The following LCOR variants were observed in gnomAD, a reference collection of about 807,000 sequenced individuals.
The protein encoded by LCOR is ligand-dependent corepressor.
A neutral mutation model predicts 64.4 loss-of-function variants in LCOR; 14 were observed. The ratio of observed to expected loss-of-function variants is 0.22; its 90% CI spans 0.14 to 0.34. LCOR has a LOEUF of 0.34. Ranked by LOEUF, LCOR falls within the 10% of genes least tolerant of loss-of-function variation. The pLI is 1.00. For missense variants in LCOR, 1,686 were observed against 1,765.3 expected (o/e 0.96, Z 0.80); for synonymous variants, 643 against 642.5 (o/e 1.00, Z -0.01).
At chr10:96,970,267 G>A (rs1847987326) in intron 7 of LCOR, among the ~76,000 whole-genome samples, 1 of 151,934 alleles carries the variant, frequency 6.6e-6, no homozygotes, top group African/African-American at 2.4e-5. Context: ...GTGTGGTGGC[G>A]CTTGCCTGTA....
At chr10:96,980,377 C>G (rs1848073609) in intron 7 of LCOR, among the ~76,000 whole-genome samples, 1 of 152,174 alleles carries the variant, frequency 6.6e-6, no homozygotes, top group Non-Finnish European at 1.5e-5. Flanking sequence ...AGTATTTCTT[C>G]TCTTTAAGAT....
At chr10:96,957,223 C>T in intron 7 of LCOR, 1 of 984,260 alleles carries the variant, frequency 1.0e-6, no homozygotes, top group South Asian at 4.7e-5. Context: ...CTGTTTTTGG[C>T]ATCCTACATA....
At chr10:96,870,943 C>G (rs1398795515) in intron 2 of LCOR, among the ~76,000 whole-genome samples, 1 of 152,224 alleles carries the variant, frequency 6.6e-6, no homozygotes, top group Non-Finnish European at 1.5e-5. Context: ...ATCTTTGCAA[C>G]TGGTACTATA....
At position 96,861,522 on chromosome 10, in the gene LCOR, G is replaced by T. The variant is rs185366796; in HGVS notation, c.-330+28043G>T. The stretch of plus-strand genomic sequence containing the variant: ...GCATTCAATTCTGCAGTGGACACTA[G>T]GTGAGTCTCTTCTCTTCTCTTTTCT... On this transcript the variant is annotated intron_variant, in intron 2 of 7. Transcript: ENST00000421806. 4.1e-3 allele frequency among the ~76,000 whole-genome samples: 624 copies of T among 152,104 alleles called. 15 individuals carry two copies. Among genetic ancestry groups the T allele is most frequent in the Admixed American group, 0.034 (522 of 15,250 alleles).
At chr10:96,934,700 C>T (rs1470465805) in intron 4 of LCOR, among the ~76,000 whole-genome samples, 1 of 152,076 alleles carries the variant, frequency 6.6e-6, no homozygotes, top group Non-Finnish European at 1.5e-5. Flanking sequence ...CTCCTGGGTT[C>T]AGGAGATTCT....
At chr10:96,891,223 T>C (rs1050924722) in intron 2 of LCOR, among the ~76,000 whole-genome samples, 8 of 152,046 alleles carry the variant, frequency 5.3e-5, no homozygotes, top group Non-Finnish European at 8.8e-5. Flanking sequence ...TTCAGTTTTT[T>C]AGTTGAGTCA....
chr10:96,926,554 T>TA (rs1472446540), intron 4 of LCOR, among the ~76,000 whole-genome samples: 32 of 152,148 alleles, frequency 2.1e-4, no homozygotes, highest in African/African-American at 7.7e-4. Context: ...TTAATGATAT[T>TA]TAGGCACTGA....
chr10:96,949,026 A>G lies in LCOR; in HGVS notation c.-32A>G. 1 of 1,612,088 alleles carries G rather than the reference A, an allele frequency of 6.2e-7. No homozygotes were observed. Among genetic ancestry groups the G allele is most frequent in the Middle Eastern group, 1.7e-4 (1 of 6,054 alleles). On this transcript the variant is annotated 5_prime_UTR_variant, in exon 6 of 8. Coordinates refer to ENST00000421806, the MANE Select transcript of LCOR (RefSeq NM_001346516.2). ...TTTACAGACAGTCCCTGGGTCTCCGACCCCAATATTCCCCTAGTGGCCCGT... is the reference window on the plus strand; with the variant it reads ...TTTACAGACAGTCCCTGGGTCTCCGGCCCCAATATTCCCCTAGTGGCCCGT...
rs536425233 is a variant in LCOR, at chr10:96,834,032, A to G, written c.-330+553A>G. Among the ~76,000 whole-genome samples the G allele has an allele frequency of 5.3e-5, 8 of 152,342 alleles. No homozygotes were observed. In the South Asian group the frequency reaches 1.7e-3, roughly 32 times the overall value. ...GGTCTGCCCTTTACAATGTCCCACAAGGGATGTTTTCGATAATAGATTAAA... is the reference window on the plus strand; with the variant it reads ...GGTCTGCCCTTTACAATGTCCCACAGGGGATGTTTTCGATAATAGATTAAA... On this transcript the variant is annotated intron_variant, in intron 2 of 7. Coordinates refer to ENST00000421806, the MANE Select transcript of LCOR (RefSeq NM_001346516.2).
intron 2 of LCOR, among the ~76,000 whole-genome samples, chr10:96,866,379 A>G (rs536136494): frequency 3.3e-5 from 5 of 152,268 alleles, no homozygotes; most frequent in African/African-American, 1.2e-4. Context: ...TTGTACGGCT[A>G]TACCTCAGTT....
chr10:96,865,279 A>C (rs892494445), intron 2 of LCOR, among the ~76,000 whole-genome samples: 5 of 152,102 alleles, frequency 3.3e-5, no homozygotes, highest in Admixed American at 1.3e-4. Flanking sequence ...TTTTAAAAAA[A>C]ATTAGGGAAA....
intron 2 of LCOR, among the ~76,000 whole-genome samples, chr10:96,894,878 A>G (rs990756824): frequency 2.6e-5 from 4 of 152,200 alleles, no homozygotes; most frequent in African/African-American, 9.7e-5. Context: ...GCCATATATA[A>G]TAGTTCAGAT....
At chr10:96,970,044 G>C (rs1847985416) in intron 7 of LCOR, among the ~76,000 whole-genome samples, 1 of 139,812 alleles carries the variant, frequency 7.2e-6, no homozygotes, top group Non-Finnish European at 1.5e-5. Flanking sequence ...GCCCGCCTCA[G>C]CCTCCCAAAA....
At chr10:96,855,919 G>T (rs1335631403) in intron 2 of LCOR, among the ~76,000 whole-genome samples, 1 of 142,006 alleles carries the variant, frequency 7.0e-6, no homozygotes, top group African/African-American at 2.6e-5. Context: ...TTTTGTATTT[G>T]TTTTAGTAGT....
At chr10:96,897,450 T>C (rs1330241035) in intron 2 of LCOR, among the ~76,000 whole-genome samples, 1 of 152,250 alleles carries the variant, frequency 6.6e-6, no homozygotes, top group Non-Finnish European at 1.5e-5. Context: ...TTTCTAAGCA[T>C]GATTAACCTA....
At position 96,994,316 on chromosome 10, in the gene LCOR, A is replaced by G. The variant is rs1294150783; in HGVS notation, c.*9182A>G. 1 of 152,100 alleles carries G rather than the reference A, an allele frequency of 6.6e-6. No individual in the cohort carries two copies. The allele number at this position is 152,100 out of a possible 1,614,324, so 9.4% of individuals were successfully genotyped here. A position where few individuals can be genotyped will look rare whatever the true frequency, so the allele number is the denominator to read the frequency against. ...GTCTAAAGCTGCCTTCGTGTCTGGG[A>G]TTACACCATGTAGGTCAGTATAAAG... On this transcript the variant is annotated 3_prime_UTR_variant, in exon 8 of 8. Transcript: ENST00000421806.
chr10:96,839,784 C>G (rs1189041663), intron 2 of LCOR, among the ~76,000 whole-genome samples: 2 of 151,876 alleles, frequency 1.3e-5, no homozygotes, highest in African/African-American at 4.8e-5. Context: ...CTTCCAGGTT[C>G]AAGTAATTCT....
intron 4 of LCOR, among the ~76,000 whole-genome samples, chr10:96,941,239 T>C (rs1847464370): frequency 3.4e-5 from 4 of 119,068 alleles, no homozygotes; most frequent in Non-Finnish European, 5.3e-5. Flanking sequence ...GGCGGGGGGC[T>C]GACCCCCCCA....
chr10:96,933,310 C>A (rs1847294594), intron 4 of LCOR, among the ~76,000 whole-genome samples: 1 of 151,976 alleles, frequency 6.6e-6, no homozygotes, highest in Admixed American at 6.6e-5. Context: ...GAAGAACAAG[C>A]ATTATTTATA....
Sources: gnomAD v4.1 joint callset for allele counts (sites outside exome capture counted in the v4.1 genomes callset) on GRCh38, gnomAD v4.1.1 for gene constraint, MANE v1.5 for transcripts, NCBI Gene and HGNC (gene_info 2026-07-23, HGNC 2026-07-21) for gene names.